The following MYO18B variants were observed in gnomAD, a reference collection of about 807,000 sequenced individuals.
The protein encoded by MYO18B is myosin XVIIIB.
MYO18B carries 204 observed loss-of-function variants against 273.0 expected under a neutral mutation model. The ratio of observed to expected loss-of-function variants is 0.75; its 90% CI spans 0.67 to 0.84. The LOEUF (loss-of-function observed/expected upper bound fraction) is 0.84. Among genes scored for constraint, MYO18B ranks in the 40% least tolerant of loss-of-function variants. The probability of loss-of-function intolerance (pLI) is 0.00; values close to 1 mark genes in which losing one functional copy is unlikely to be tolerated. For synonymous variants in MYO18B, 1,330 were observed against 1,305.7 expected (o/e 1.02, Z -0.40); for missense variants, 3,212 against 3,287.6 (o/e 0.98, Z 0.56).
chr22:25,845,526 A>T (rs182206120), intron 18 of MYO18B, among the ~76,000 whole-genome samples: 1 of 145,262 alleles, frequency 6.9e-6, no homozygotes, highest in African/African-American at 2.6e-5. Context: ...AAAAAAACCA[A>T]CAACAACAAC....
chr22:25,943,711 CTTTTTTTTT>C (rs59256754), intron 34 of MYO18B, among the ~76,000 whole-genome samples: 28 of 79,584 alleles, frequency 3.5e-4, no homozygotes, highest in Admixed American at 5.7e-4. Context: ...TCTTTCTTTC[CTTTTTTTTT>C]TTTTTTTTTT....
At chr22:26,012,556 G>A (rs76790543) in intron 42 of MYO18B, among the ~76,000 whole-genome samples, 1 of 152,164 alleles carries the variant, frequency 6.6e-6, no homozygotes, top group Non-Finnish European at 1.5e-5. Flanking sequence ...TGGACCAAAG[G>A]CCTGAGCAAG....
intron 36 of MYO18B, among the ~76,000 whole-genome samples, chr22:25,948,204 A>G (rs566969546): frequency 1.1e-4 from 16 of 151,952 alleles, no homozygotes; most frequent in South Asian, 8.3e-4. Flanking sequence ...CGTCCATCCA[A>G]TCATCCACCC....
chr22:25,787,478 G>A (rs567925124), intron 11 of MYO18B, among the ~76,000 whole-genome samples: 1 of 152,134 alleles, frequency 6.6e-6, no homozygotes, highest in Non-Finnish European at 1.5e-5. Context: ...TGCACTGGGT[G>A]AGGTGATGTG....
At chr22:25,995,070 T>C (rs1356229636) in intron 40 of MYO18B, among the ~76,000 whole-genome samples, 1 of 151,936 alleles carries the variant, frequency 6.6e-6, no homozygotes, top group Admixed American at 6.6e-5. Context: ...ATAAAGAAAA[T>C]GTGATGCGTA....
intron 10 of MYO18B, 133 bp downstream of exon 10, chr22:25,781,967 A>AT: frequency 1.7e-6 from 1 of 584,652 alleles, no homozygotes; most frequent in Non-Finnish European, 2.7e-6. Context: ...ATGGCGTCCG[A>AT]TTCCAGCTGT....
At chr22:25,960,106 C>A (rs1221582322) in intron 39 of MYO18B, among the ~76,000 whole-genome samples, 1 of 152,104 alleles carries the variant, frequency 6.6e-6, no homozygotes, top group Non-Finnish European at 1.5e-5. Context: ...AGATCAGGAT[C>A]AATTACCCCT....
rs139336233 is a variant in MYO18B at position 25,759,019 on chromosome 22, A to G, written c.-109-1965A>G. Among the ~76,000 whole-genome samples the G allele has an allele frequency of 1.1e-4, 17 of 152,168 alleles. No homozygotes were observed. The East Asian group carries it at 1.9e-3, about 17-fold the overall frequency. ...TCTGCCTGCCTTGGCCTCCCAAAGTACTGGGATTACAGGCGTGAGCCACCG... is the reference window on the plus strand; with the variant it reads ...TCTGCCTGCCTTGGCCTCCCAAAGTGCTGGGATTACAGGCGTGAGCCACCG... On this transcript the variant is annotated intron_variant, in intron 1 of 43. Coordinates refer to ENST00000335473, the MANE Select transcript of MYO18B (RefSeq NM_032608.7).
intron 12 of MYO18B, among the ~76,000 whole-genome samples, chr22:25,822,028 T>G (rs888443666): frequency 1.3e-5 from 2 of 152,226 alleles, no homozygotes; most frequent in African/African-American, 4.8e-5. Context: ...GGTGTAAGCA[T>G]TGTCCATGGT....
At chr22:25,754,708 G>C (rs1246697396) in intron 1 of MYO18B, among the ~76,000 whole-genome samples, 1 of 152,208 alleles carries the variant, frequency 6.6e-6, no homozygotes, top group Non-Finnish European at 1.5e-5. Context: ...AAGAACACTT[G>C]CTTAAATTAA....
In MYO18B at chr22:25,947,527, CA is replaced by C. The variant is rs1569223294; in HGVS notation, c.5632-184del. ...ACACACACACACACACACACACACA[CA>C]CACACACACACACACCAAGCTGTTA... On this transcript the variant is annotated intron_variant, in intron 35 of 43. Transcript: ENST00000335473. Among the ~76,000 whole-genome samples, 15 of 145,696 alleles carry C rather than the reference CA, an allele frequency of 1.0e-4. No homozygotes were observed. The East Asian group carries it at 1.2e-3, about 11-fold the overall frequency.
chr22:25,984,575 A>G (rs1234414810), intron 39 of MYO18B, among the ~76,000 whole-genome samples: 2 of 152,110 alleles, frequency 1.3e-5, no homozygotes, highest in Non-Finnish European at 2.9e-5. Flanking sequence ...GGACCACTTG[A>G]CACCAGGAGT....
At chr22:25,807,503 T>C (rs1262318469) in intron 12 of MYO18B, among the ~76,000 whole-genome samples, 1 of 152,204 alleles carries the variant, frequency 6.6e-6, no homozygotes, top group South Asian at 2.1e-4. Context: ...GGGTCTCTCA[T>C]GTGGCTGCAG....
At chr22:26,013,309 A>C (rs1333553770) in intron 42 of MYO18B, among the ~76,000 whole-genome samples, 1 of 152,188 alleles carries the variant, frequency 6.6e-6, no homozygotes, top group Admixed American at 6.5e-5. Flanking sequence ...GATGCTGCCA[A>C]ATGTCTTACA....
At chr22:25,757,491 G>A (rs931077080) in intron 1 of MYO18B, among the ~76,000 whole-genome samples, 2 of 151,450 alleles carry the variant, frequency 1.3e-5, no homozygotes, top group East Asian at 3.9e-4. Flanking sequence ...GGAGGCTGAG[G>A]CAGGAGAATT....
At chr22:25,947,485 A>AACACACAC (rs1226749796) in intron 35 of MYO18B, among the ~76,000 whole-genome samples, 1 of 63,300 alleles carries the variant, frequency 1.6e-5, no homozygotes, top group Non-Finnish European at 3.3e-5. Context: ...TGTAATGCCT[A>AACACACAC]ATACACACAC....
chr22:26,027,163 C>T lies in MYO18B; in HGVS notation c.7189C>T (p.Pro2397Ser), dbSNP rs1569309994. Residue 2397 changes from proline to serine, a missense_variant, in exon 43 of 44, where the codon CCA (proline) becomes TCA (serine). Pro to Ser is a moderately conservative substitution (Grantham distance 74). Coordinates refer to ENST00000335473, the MANE Select transcript of MYO18B (RefSeq NM_032608.7). The surrounding 1 kb of genome is among the most constrained non-coding windows in gnomAD (Gnocchi z 4.1). ...GTCCTCTGTGGACGATGCGGGCTGT[C>T]CAGACCTTGGAAAGGAGCCGCTTGT... ...LESSVDDAGC[P>S]DLGKEPLVFQ... The T allele has an allele frequency of 6.2e-7, 1 of 1,613,994 alleles. No homozygotes were observed. The highest frequency in any genetic ancestry group is 1.1e-5 in the South Asian group (1 of 91,080).
At chr22:25,836,372 G>A (rs1005371638) in intron 17 of MYO18B, among the ~76,000 whole-genome samples, 2 of 152,184 alleles carry the variant, frequency 1.3e-5, no homozygotes, top group East Asian at 3.8e-4. Flanking sequence ...TGTCACCGGG[G>A]TCAAGGTGTT....
In MYO18B at chr22:25,948,459, C is replaced by CTTCT. The variant is rs1158700194; in HGVS notation, c.5748+656_5748+659dup. On this transcript the variant is annotated intron_variant, in intron 36 of 43. Transcript: ENST00000335473. ...CCTTCCTTCCTTCCTTCCTTCCTTC[C>CTTCT]TTCTTTCTTTCTTTCTTTCTTTCTT... 2.9e-3 allele frequency among the ~76,000 whole-genome samples: 195 copies of CTTCT among 67,700 alleles called. 1 individual carries two copies. Among genetic ancestry groups the CTTCT allele is most frequent in the Middle Eastern group, 7.2e-3 (1 of 138 alleles). The allele number at this position is 67,700 out of a possible 152,430, so 44.4% of individuals were successfully genotyped here.
Sources: gnomAD v4.1 joint callset for allele counts (sites outside exome capture counted in the v4.1 genomes callset) on GRCh38, gnomAD v4.1.1 for gene constraint, Gnocchi (gnomAD v3.1) non-coding constraint, MANE v1.5 for transcripts, NCBI Gene and HGNC (gene_info 2026-07-23, HGNC 2026-07-21) for gene names.